Variants in GRAMD4 observed in about 807,000 individuals in gnomAD.
The protein encoded by GRAMD4 is GRAM domain containing 4.
GRAMD4 carries 25 observed loss-of-function variants against 83.9 expected under a neutral mutation model. The observed-to-expected ratio is 0.30, with a 90% CI of 0.22 to 0.42. The LOEUF (loss-of-function observed/expected upper bound fraction) is 0.42. Ranked by LOEUF, GRAMD4 falls within the 10% of genes least tolerant of loss-of-function variation. GRAMD4 has a pLI of 1.00. For synonymous variants in GRAMD4, 336 were observed against 320.9 expected, an observed-to-expected ratio of 1.05 and a Z score of -0.50; for missense variants, 593 against 788.7, an observed-to-expected ratio of 0.75 and a Z score of 2.97.
chr22:46,674,558 G>T, intron 15 of GRAMD4, 99 bp from the exon 16 acceptor site: 1 of 861,818 alleles, frequency 1.2e-6, no homozygotes, highest in South Asian at 1.3e-5. Flanking sequence ...GCGGTGGGCG[G>T]ATGTCAGGAT....
chr22:46,682,702 C>A (rs543597789), downstream of GRAMD4, among the ~76,000 whole-genome samples: 3 of 152,366 alleles, frequency 2.0e-5, no homozygotes, highest in South Asian at 6.2e-4. Context: ...GTGTAGCACG[C>A]ATATCCTGAC....
intron 2 of GRAMD4, among the ~76,000 whole-genome samples, chr22:46,632,214 G>A (rs2081785192): frequency 6.6e-6 from 1 of 152,198 alleles, no homozygotes; most frequent in Non-Finnish European, 1.5e-5. Context: ...GCTGGGAAGG[G>A]GAGGTAAAGG....
intron 3 of GRAMD4, among the ~76,000 whole-genome samples, chr22:46,646,480 G>A (rs1272617014): frequency 2.6e-5 from 4 of 152,230 alleles, no homozygotes; most frequent in Admixed American, 1.3e-4. Context: ...GAGCGGAAGG[G>A]AAGTTTCTAG....
At chr22:46,635,451 GGA>G (rs1569277225) in intron 2 of GRAMD4, among the ~76,000 whole-genome samples, 3 of 120,940 alleles carry the variant, frequency 2.5e-5, no homozygotes, top group African/African-American at 3.2e-5. Context: ...TCCTGTCCTG[GGA>G]GGCCGTGTCC....
intron 1 of GRAMD4, among the ~76,000 whole-genome samples, chr22:46,586,426 C>T (rs9616066): frequency 0.49 from 74,373 of 151,656 alleles, 20,308 homozygotes; most frequent in African/African-American, 0.75. Context: ...GTCCCCTCCT[C>T]TGTCTGCCCT....
Position 46,677,595 on chromosome 22 carries a change from C to T in GRAMD4, c.*344C>T. 1 of 1,046,484 alleles carries T rather than the reference C, an allele frequency of 9.6e-7. No homozygotes were observed. Among genetic ancestry groups the T allele is most frequent in the Non-Finnish European group, 1.2e-6 (1 of 867,596 alleles). 64.8% of individuals were successfully genotyped at this position (1,046,484 alleles called of 1,614,324 possible). A position where few individuals can be genotyped will look rare whatever the true frequency, so the allele number is the denominator to read the frequency against. ...TTCCAGCCTGGACAGAGAAACCTCT[C>T]CAGCCACCCCAAGAGGTTCTCGCAA... On this transcript the variant is annotated 3_prime_UTR_variant, in exon 19 of 19. Transcript: ENST00000406902.
chr22:46,668,477 A>G (rs912825806), intron 11 of GRAMD4, among the ~76,000 whole-genome samples: 6 of 152,058 alleles, frequency 3.9e-5, no homozygotes, highest in African/African-American at 1.2e-4. Context: ...GCCCCTGGGA[A>G]GGACTCAGGC....
At chr22:46,661,562 A>G in intron 5 of GRAMD4, 120 bp downstream of exon 5, 1 of 733,078 alleles carries the variant, frequency 1.4e-6, no homozygotes, top group Non-Finnish European at 2.3e-6. Context: ...GCAGGTGGGC[A>G]GGCGGCAGGT....
Position 46,666,872 on chromosome 22 carries a change from T to G in GRAMD4, c.857T>G (p.Val286Gly). The change falls in exon 10 of 19, where the codon GTG becomes GGG. Residue 286 changes from valine to glycine, a missense_variant and splice_region_variant. By Grantham distance (109) the Val-to-Gly change is moderately radical. Transcript: ENST00000406902. Reference protein sequence around the residue: ...WSIVPEVSEPVEPPKEDLTVS... With the variant: ...WSIVPEVSEPGEPPKEDLTVS... The stretch of plus-strand genomic sequence containing the variant: ...ATCGTGCCCGAAGTGTCTGAGCCCG[T>G]GGTAAGTCCCTGGAGGGTGCACGGT... 6.3e-7 allele frequency: 1 copy of G among 1,594,176 alleles called. No homozygotes were observed. The highest frequency in any genetic ancestry group is 8.5e-7 in the Non-Finnish European group (1 of 1,169,980).
intron 1 of GRAMD4, among the ~76,000 whole-genome samples, chr22:46,593,256 T>C (rs1317985943): frequency 6.6e-6 from 1 of 152,108 alleles, no homozygotes; most frequent in Non-Finnish European, 1.5e-5. Flanking sequence ...CACGGGATTC[T>C]CCCCTGCCTG....
Position 46,652,697 on chromosome 22 carries a change from C to T in GRAMD4, c.284-5490C>T, listed in dbSNP as rs1048760478. Among the ~76,000 whole-genome samples the T allele has an allele frequency of 8.5e-5, 13 of 152,338 alleles. No individual in the cohort carries two copies. In the East Asian group the frequency reaches 2.5e-3, roughly 29 times the overall value. The stretch of plus-strand genomic sequence containing the variant: ...GCCCACTCCGGAGGCCGAGGGAACC[C>T]AGAGCCTCAGCAGCAGCTGCAGATT... On this transcript the variant is annotated intron_variant, in intron 3 of 18. Transcript: ENST00000406902.
At chr22:46,576,236 C>T (rs908472857), upstream of GRAMD4, among the ~76,000 whole-genome samples, 1 of 152,096 alleles carries the variant, frequency 6.6e-6, no homozygotes, top group African/African-American at 2.4e-5. Flanking sequence ...TCTCCTCCAC[C>T]CTCCCACCCC....
chr22:46,592,990 A>T (rs1244523506), intron 1 of GRAMD4, among the ~76,000 whole-genome samples: 2 of 152,220 alleles, frequency 1.3e-5, no homozygotes, highest in Non-Finnish European at 2.9e-5. Flanking sequence ...GTTCACCAAC[A>T]TAACCTAAAT....
Position 46,584,958 on chromosome 22 carries a change from CCT to C in GRAMD4, c.-50+7673_-50+7674del, listed in dbSNP as rs373413234. 6.8e-4 allele frequency among the ~76,000 whole-genome samples: 104 copies of C among 152,354 alleles called. 1 individual carries two copies. The highest frequency in any genetic ancestry group is 2.4e-3 in the African/African-American group (98 of 41,580). On this transcript the variant is annotated intron_variant, in intron 1 of 1. Transcript: ENST00000431155. ...GACTCCATCCTGGCCAGGTCTGTCCCCTCTCTGCCTCTGAACTTGCCACCCTG... is the reference window on the plus strand; with the variant it reads ...GACTCCATCCTGGCCAGGTCTGTCCCCTCTGCCTCTGAACTTGCCACCCTG...
intron 5 of GRAMD4, 37 bp downstream of exon 5, chr22:46,661,479 G>C: frequency 2.8e-6 from 4 of 1,405,494 alleles, no homozygotes; most frequent in East Asian, 2.3e-5. Context: ...GCAGGCGGGC[G>C]GGTGGGTGGC....
upstream of GRAMD4, among the ~76,000 whole-genome samples, chr22:46,619,538 C>A (rs1027424339): frequency 9.2e-5 from 14 of 152,320 alleles, no homozygotes; most frequent in South Asian, 2.3e-3. Context: ...CACTGCATTG[C>A]CCACCTCAGC....
intron 2 of GRAMD4, among the ~76,000 whole-genome samples, chr22:46,632,443 C>T (rs114389950): frequency 6.4e-4 from 97 of 152,328 alleles, no homozygotes; most frequent in African/African-American, 2.2e-3. Context: ...AGCTGAAGAA[C>T]TGAGAAATGG....
chr22:46,632,605 A>G (rs2081792165), intron 2 of GRAMD4, among the ~76,000 whole-genome samples: 1 of 152,146 alleles, frequency 6.6e-6, no homozygotes, highest in African/African-American at 2.4e-5. Context: ...CAGGGCTTGC[A>G]GAAGGATTCA....
chr22:46,630,402 C>G (rs1212057677), intron 2 of GRAMD4, among the ~76,000 whole-genome samples: 1 of 152,196 alleles, frequency 6.6e-6, no homozygotes, highest in African/African-American at 2.4e-5. Flanking sequence ...AGGCTGAATG[C>G]CTGCGATTGA....
Sources: allele counts gnomAD v4.1 joint callset (sites outside exome capture counted in the v4.1 genomes callset), GRCh38; gene constraint gnomAD v4.1.1; transcripts MANE v1.5; gene names NCBI Gene and HGNC (gene_info 2026-07-23, HGNC 2026-07-21).